The following DACH2 variants were observed in gnomAD, a reference collection of about 807,000 sequenced individuals.
The protein encoded by DACH2 is dachshund family transcription factor 2, also known as dachshund homolog 2.
Under a neutral mutation model 35.8 loss-of-function variants are expected in DACH2, and 17 were observed. The observed-to-expected ratio is 0.48, with a 90% CI of 0.33 to 0.71. The LOEUF (loss-of-function observed/expected upper bound fraction) is 0.71. Among genes scored for constraint, DACH2 ranks in the 30% least tolerant of loss-of-function variants. The pLI is 0.02. For synonymous variants in DACH2, 195 were observed against 177.3 expected, an observed-to-expected ratio of 1.10 and a Z score of -0.79; for missense variants, 469 against 472.7, an observed-to-expected ratio of 0.99 and a Z score of 0.07.
chrX:86,693,725 A>T (rs1168154324), intron 4 of DACH2, among the ~76,000 whole-genome samples: 1 of 112,236 alleles, frequency 8.9e-6, no homozygotes, highest in Non-Finnish European at 1.9e-5. Flanking sequence ...GTCCCCTTTG[A>T]CTCAAATTCC....
chrX:86,415,403 A>T (rs1396431895), intron 2 of DACH2, among the ~76,000 whole-genome samples: 2 of 112,082 alleles, frequency 1.8e-5, no homozygotes, highest in African/African-American at 6.5e-5. Context: ...ATTTTGCCTA[A>T]TTCCAAATCA....
At chrX:86,806,205 G>C (rs1287602579) in intron 7 of DACH2, among the ~76,000 whole-genome samples, 3 of 111,080 alleles carry the variant, frequency 2.7e-5, no homozygotes, top group African/African-American at 9.8e-5. Context: ...CGTGATGCTG[G>C]CACCTGCTTG....
intron 7 of DACH2, among the ~76,000 whole-genome samples, chrX:86,756,843 A>T (rs2041834458): frequency 9.0e-6 from 1 of 111,690 alleles, no homozygotes; most frequent in Non-Finnish European, 1.9e-5. Flanking sequence ...CAACTTTTGC[A>T]ATCAGTATGA....
intron 1 of DACH2, among the ~76,000 whole-genome samples, chrX:86,151,516 A>G (rs1004384401): frequency 1.8e-5 from 2 of 111,589 alleles, no homozygotes; most frequent in Middle Eastern, 4.6e-3. Context: ...GAAAACTACT[A>G]GAAACACACC....
intron 4 of DACH2, among the ~76,000 whole-genome samples, chrX:86,688,445 G>T (rs2040973625): frequency 8.9e-6 from 1 of 111,889 alleles, no homozygotes; most frequent in South Asian, 3.7e-4. Context: ...AGGGAACCCA[G>T]TGTAAAGTCA....
chrX:86,316,810 AC>A (rs1434130705), intron 1 of DACH2, among the ~76,000 whole-genome samples: 1 of 110,901 alleles, frequency 9.0e-6, no homozygotes, highest in East Asian at 2.8e-4. Flanking sequence ...GATAACCTTT[AC>A]AAGGAGGTTT....
chrX:86,502,011 T>TTCCTTCCTTCCTTCCTTCC (rs1569422509), intron 2 of DACH2, among the ~76,000 whole-genome samples: 73 of 95,547 alleles, frequency 7.6e-4, no homozygotes, highest in South Asian at 7.4e-3. Flanking sequence ...TCTTTCCTTC[T>TTCCTTCCTTCCTTCCTTCC]TTCCTTCCTT....
intron 3 of DACH2, among the ~76,000 whole-genome samples, chrX:86,522,566 C>T (rs1007262861): frequency 2.9e-4 from 32 of 111,213 alleles, no homozygotes; most frequent in African/African-American, 1.0e-3. Flanking sequence ...TATAAGAATA[C>T]ATTATAACAC....
chrX:86,792,204 T>C (rs2042192848), intron 7 of DACH2, among the ~76,000 whole-genome samples: 1 of 111,731 alleles, frequency 9.0e-6, no homozygotes, highest in African/African-American at 3.2e-5. Flanking sequence ...ATAACTTTAT[T>C]CTTTTTGCAA....
At chrX:86,778,387 A>T (rs928726350) in intron 7 of DACH2, among the ~76,000 whole-genome samples, 16 of 110,571 alleles carry the variant, frequency 1.4e-4, no homozygotes, top group Non-Finnish European at 2.6e-4. Context: ...CATTTATCTG[A>T]TGATTAGTGA....
At chrX:86,823,011 A>G (rs2042528090) in intron 11 of DACH2, among the ~76,000 whole-genome samples, 1 of 111,325 alleles carries the variant, frequency 9.0e-6, no homozygotes, top group African/African-American at 3.3e-5. Context: ...GCAGGAGTGC[A>G]GTGGCATATC....
At position 86,148,770 on chromosome X, in the gene DACH2, C is replaced by T. The variant is rs756654588; in HGVS notation, c.150C>T (p.Asn50=). 8.3e-6 allele frequency: 10 copies of T among 1,211,489 alleles called. No individual in the cohort carries two copies. Among genetic ancestry groups the T allele is most frequent in the Non-Finnish European group, 1.0e-5 (9 of 895,501 alleles). ...TGATCAATAGTTTCGTGGTTAATAACCACAGCAACAGTGCCGGAGGCGGCG... is the reference window on the plus strand; with the variant it reads ...TGATCAATAGTTTCGTGGTTAATAATCACAGCAACAGTGCCGGAGGCGGCG... ...PNMINSFVVN[N]HSNSAGGGGR... The change falls in exon 1 of 12, where the codon AAC becomes AAT. Residue 50 remains asparagine (N), a synonymous_variant. Transcript: ENST00000373125.
intron 2 of DACH2, among the ~76,000 whole-genome samples, chrX:86,415,555 G>A (rs2036689895): frequency 8.9e-6 from 1 of 111,796 alleles, no homozygotes; most frequent in Non-Finnish European, 1.9e-5. Context: ...AGATTATCTT[G>A]CCTTGGTGTA....
At position 86,396,368 on chromosome X, in the gene DACH2, G is replaced by C. The variant is rs868711951; in HGVS notation, c.527+19506G>C. ...GTTCACTCTGATGGTAGTTTCTTTT[G>C]CTGTGCAGAAGCTCTTTAGTTTAAT... On this transcript the variant is annotated intron_variant, in intron 2 of 11. Transcript: ENST00000373125. Among the ~76,000 whole-genome samples the C allele has an allele frequency of 4.1e-3, 390 of 94,264 alleles. 1 individual carries two copies. Among genetic ancestry groups the C allele is most frequent in the African/African-American group, 0.014 (359 of 25,030 alleles). 81.9% of individuals were successfully genotyped at this position (94,264 alleles called of 115,157 possible). A position where few individuals can be genotyped will look rare whatever the true frequency, so the allele number is the denominator to read the frequency against.
intron 1 of DACH2, among the ~76,000 whole-genome samples, chrX:86,291,093 AT>A (rs1339330438): frequency 2.0e-5 from 2 of 101,420 alleles, no homozygotes; most frequent in Admixed American, 2.2e-4. Flanking sequence ...ATCCTCTTTT[AT>A]TTCCTTGAGC....
intron 3 of DACH2, among the ~76,000 whole-genome samples, chrX:86,547,317 T>A (rs1029382788): frequency 8.9e-6 from 1 of 111,937 alleles, no homozygotes; most frequent in African/African-American, 3.3e-5. Flanking sequence ...AAAAATTTCA[T>A]TGGCCAGTGG....
At chrX:86,289,827 G>A (rs1299069704) in intron 1 of DACH2, among the ~76,000 whole-genome samples, 1 of 109,059 alleles carries the variant, frequency 9.2e-6, no homozygotes, top group Non-Finnish European at 1.9e-5. Context: ...ATCATTGTTG[G>A]ACATTTGGGT....
intron 3 of DACH2, among the ~76,000 whole-genome samples, chrX:86,536,893 G>A (rs1386625964): frequency 2.7e-5 from 3 of 111,293 alleles, no homozygotes. Flanking sequence ...ACTTGTCTCA[G>A]ATACCTTTTG....
At chrX:86,216,221 T>A in intron 1 of DACH2, among the ~76,000 whole-genome samples, 1 of 111,880 alleles carries the variant, frequency 8.9e-6, no homozygotes, top group Non-Finnish European at 1.9e-5. Flanking sequence ...ATGTATTTTT[T>A]AAATTACACT....
Sources: allele counts gnomAD v4.1 joint callset (sites outside exome capture counted in the v4.1 genomes callset), GRCh38; gene constraint gnomAD v4.1.1; transcripts MANE v1.5; gene names NCBI Gene and HGNC (gene_info 2026-07-23, HGNC 2026-07-21).